Variants in MECR observed in about 807,000 individuals in gnomAD.
MECR encodes mitochondrial trans-2-enoyl-CoA reductase, also known as enoyl-[acyl-carrier-protein] reductase, mitochondrial.
MECR carries 37 observed loss-of-function variants against 49.1 expected under a neutral mutation model. That is an observed-to-expected ratio of 0.75 (90% confidence interval 0.58 to 0.99). The LOEUF is 0.99. Among genes scored for constraint, MECR ranks in the 50% least tolerant of loss-of-function variants. The pLI, the probability that MECR is intolerant of heterozygous loss-of-function variation, is 0.00. For missense variants in MECR, 470 were observed against 479.6 expected, an observed-to-expected ratio of 0.98 and a Z score of 0.19; for synonymous variants, 198 against 191.1, an observed-to-expected ratio of 1.04 and a Z score of -0.30.
chr1:29,210,282 G>T (rs1677662207), intron 3 of MECR, among the ~76,000 whole-genome samples: 2 of 152,184 alleles, frequency 1.3e-5, no homozygotes, highest in Non-Finnish European at 2.9e-5. Context: ...AAAGTGCTGG[G>T]ATTATAGGCA....
intron 1 of MECR, chr1:29,221,273 T>G (rs551164169): frequency 2.0e-5 from 3 of 151,952 alleles, no homozygotes; most frequent in East Asian, 3.9e-4. Flanking sequence ...GTGGAAACAC[T>G]GGGAGAAGGG....
chr1:29,215,076 C>T (rs546544842), intron 3 of MECR, among the ~76,000 whole-genome samples: 76 of 152,242 alleles, frequency 5.0e-4, no homozygotes, highest in African/African-American at 1.8e-3. Context: ...TGCAATGGTG[C>T]GATCATAGCT....
the MECR span, among the ~76,000 whole-genome samples, chr1:29,180,133 T>C: frequency 2.0e-5 from 3 of 152,234 alleles, no homozygotes; most frequent in Non-Finnish European, 4.4e-5. Context: ...TTCAGAGAAG[T>C]AACTTGCCCA....
chr1:29,225,890 C>T (rs559656883), intron 1 of MECR, among the ~76,000 whole-genome samples: 1 of 152,118 alleles, frequency 6.6e-6, no homozygotes, highest in South Asian at 2.1e-4. Flanking sequence ...ATGGGTAGGC[C>T]GGGTGCCGTG....
At chr1:29,181,029 T>C in the MECR span, among the ~76,000 whole-genome samples, 4 of 152,266 alleles carry the variant, frequency 2.6e-5, no homozygotes, top group South Asian at 2.1e-4. Flanking sequence ...GTTAAGACTT[T>C]AATTTACTCT....
In MECR at chr1:29,201,962, T is replaced by G. The variant is rs1558432665; in HGVS notation, c.737A>C (p.Glu246Ala). 1 of 1,614,126 alleles carries G rather than the reference T, an allele frequency of 6.2e-7. No individual in the cohort carries two copies. Among genetic ancestry groups the G allele is most frequent in the Admixed American group, 1.7e-5 (1 of 60,018 alleles). ...VITEEELRRP[E>A]MKNFFKDMPQ... ...AGGTACCTTAAAGAAGTTTTTCATT[T>G]CGGGCCTTCTTAGCTCCTCTTCTGT... The change falls in exon 6 of 10, where the codon GAA becomes GCA. Residue 246 changes from glutamate to alanine, a missense_variant. Coordinates refer to ENST00000263702, the MANE Select transcript of MECR (RefSeq NM_016011.5). The surrounding 1 kb of genome is among the most constrained non-coding windows in gnomAD (Gnocchi z 4.3).
At chr1:29,181,397 G>A in the MECR span, among the ~76,000 whole-genome samples, 3 of 152,112 alleles carry the variant, frequency 2.0e-5, no homozygotes. Context: ...GCCCCACTCG[G>A]GCTTTCCTTC....
At chr1:29,228,960 A>G (rs1371787194) in intron 1 of MECR, 1 of 152,216 alleles carries the variant, frequency 6.6e-6, no homozygotes, top group Non-Finnish European at 1.5e-5. Flanking sequence ...TTTGGGGTAC[A>G]TTCCTGGAAA....
At chr1:29,205,816 C>T (rs1676440054) in intron 4 of MECR, among the ~76,000 whole-genome samples, 2 of 152,076 alleles carry the variant, frequency 1.3e-5, no homozygotes, top group Admixed American at 1.3e-4. Context: ...CAGAGCACGA[C>T]TGTCTCAAAA....
At chr1:29,222,671 C>T (rs536520583) in intron 1 of MECR, among the ~76,000 whole-genome samples, 1 of 152,242 alleles carries the variant, frequency 6.6e-6, no homozygotes, top group African/African-American at 2.4e-5. Context: ...AGCAGCTCTG[C>T]CATTTGAGAT....
intron 1 of MECR, among the ~76,000 whole-genome samples, chr1:29,217,375 A>G (rs892039055): frequency 2.1e-5 from 3 of 146,240 alleles, no homozygotes; most frequent in Non-Finnish European, 4.5e-5. Context: ...ACGCCCGGCT[A>G]ATTTTATTTA....
rs141763839 is a variant in MECR, at chr1:29,201,073, G to C, written c.757-484C>G. ...GGCCTCCCGAAGTGCTGGGATTACAGGCATGAGTCACCTCATCCAGCCAAG... is the reference window on the plus strand; with the variant it reads ...GGCCTCCCGAAGTGCTGGGATTACACGCATGAGTCACCTCATCCAGCCAAG... On this transcript the variant is annotated intron_variant, in intron 6 of 9. Transcript: ENST00000263702. The surrounding 1 kb of genome is among the most constrained non-coding windows in gnomAD (Gnocchi z 4.3). 4.3e-3 allele frequency among the ~76,000 whole-genome samples: 659 copies of C among 152,340 alleles called. 5 individuals are homozygous for C. The highest frequency in any genetic ancestry group is 0.014 in the Middle Eastern group (4 of 294).
downstream of MECR, among the ~76,000 whole-genome samples, chr1:29,191,003 C>T (rs1558398502): frequency 6.6e-6 from 1 of 152,008 alleles, no homozygotes; most frequent in African/African-American, 2.4e-5. Context: ...ACATAAATAC[C>T]CTGTCTCTGT....
chr1:29,205,569 C>T (rs562562227), intron 4 of MECR, among the ~76,000 whole-genome samples: 4 of 151,672 alleles, frequency 2.6e-5, no homozygotes, highest in Admixed American at 1.3e-4. Context: ...GGGTGGCTCG[C>T]GCCTGTAATC....
In MECR at chr1:29,230,895, G is replaced by A. The variant is rs1558526231; in HGVS notation, c.12C>T (p.Cys4=). The change falls in exon 1 of 10, where the codon TGC becomes TGT. Residue 4 remains cysteine, a synonymous_variant. Transcript: ENST00000263702. ...GGGTTCGCACCCGCCACAGGGTACT[G>A]CAGACCCACATGCTCGCTCCAACCA... The part of the protein sequence containing the change: MWV[C]STLWRVRTPA... The A allele has an allele frequency of 6.2e-6, 10 of 1,605,370 alleles. No individual in the cohort carries two copies. Among genetic ancestry groups the A allele is most frequent in the South Asian group, 1.1e-5 (1 of 90,666 alleles).
At chr1:29,196,804 G>T (rs1247673601) in intron 7 of MECR, among the ~76,000 whole-genome samples, 1 of 152,022 alleles carries the variant, frequency 6.6e-6, no homozygotes, top group East Asian at 1.9e-4. Flanking sequence ...AGGAGTTTGA[G>T]ACCAGCCTGG....
the MECR span, among the ~76,000 whole-genome samples, chr1:29,180,299 T>C: frequency 2.6e-5 from 4 of 152,158 alleles, no homozygotes; most frequent in African/African-American, 9.7e-5. Flanking sequence ...TACAATAACG[T>C]CTACCCGCCA....
At chr1:29,183,309 C>T in the MECR span, among the ~76,000 whole-genome samples, 6 of 152,288 alleles carry the variant, frequency 3.9e-5, no homozygotes, top group South Asian at 1.2e-3. Context: ...ATTTATTTAG[C>T]CAGTGCCCTG....
chr1:29,181,842 G>A, the MECR span: 5 of 1,080,132 alleles, frequency 4.6e-6, no homozygotes, highest in Non-Finnish European at 6.1e-6. Flanking sequence ...CGGCGGCGGC[G>A]GCAACGGGCG....
Sources: gnomAD v4.1 joint callset for allele counts (sites outside exome capture counted in the v4.1 genomes callset) on GRCh38, gnomAD v4.1.1 for gene constraint, Gnocchi (gnomAD v3.1) non-coding constraint, MANE v1.5 for transcripts, NCBI Gene and HGNC (gene_info 2026-07-23, HGNC 2026-07-21) for gene names.